STOX2: variants seen among roughly 807,000 people sequenced by gnomAD.
The protein encoded by STOX2 is storkhead box 2, also known as storkhead-box protein 2.
In STOX2, 28 loss-of-function variants were observed where a neutral mutation model predicts 60.9. The ratio of observed to expected loss-of-function variants is 0.46; its 90% CI spans 0.34 to 0.63. The LOEUF (loss-of-function observed/expected upper bound fraction) is 0.63, where lower values mean the gene tolerates loss of function less well. Ranked by LOEUF, STOX2 falls within the 30% of genes least tolerant of loss-of-function variation. STOX2 has a pLI of 0.01. For synonymous variants in STOX2, 472 were observed against 463.9 expected (o/e 1.02, Z -0.22); for missense variants, 1,024 against 1,187.7 (o/e 0.86, Z 2.03).
chr4:183,959,604 C>T (rs554904626), intron 1 of STOX2, among the ~76,000 whole-genome samples: 47 of 152,286 alleles, frequency 3.1e-4, no homozygotes, highest in Admixed American at 2.2e-3. Context: ...GATCTTCTCG[C>T]TGTGCTTTAT....
At chr4:183,841,028 C>T (rs562307435) in intron 1 of STOX2, among the ~76,000 whole-genome samples, 7 of 152,002 alleles carry the variant, frequency 4.6e-5, no homozygotes, top group Non-Finnish European at 7.4e-5. Flanking sequence ...CCACTACATC[C>T]GGCTAATTTT....
At chr4:183,893,571 G>A (rs539356294) in intron 1 of STOX2, among the ~76,000 whole-genome samples, 153 of 152,134 alleles carry the variant, frequency 1.0e-3, no homozygotes, top group Admixed American at 3.1e-3. Context: ...AGAGAAGAGC[G>A]GATGGAGATA....
At chr4:183,800,641 T>C (rs1252207427) in intron 1 of STOX2, among the ~76,000 whole-genome samples, 2 of 152,206 alleles carry the variant, frequency 1.3e-5, no homozygotes, top group African/African-American at 2.4e-5. Context: ...TGAACTTGAA[T>C]TAAGCTCATC....
intron 1 of STOX2, among the ~76,000 whole-genome samples, chr4:183,940,152 C>T (rs978881720): frequency 2.6e-5 from 4 of 152,208 alleles, no homozygotes; most frequent in East Asian, 3.9e-4. Flanking sequence ...ATTCACCTGC[C>T]TTGACCTCCC....
At chr4:183,959,942 A>G (rs143116806) in intron 1 of STOX2, among the ~76,000 whole-genome samples, 68 of 152,310 alleles carry the variant, frequency 4.5e-4, no homozygotes, top group Non-Finnish European at 8.5e-4. Flanking sequence ...CATTTTTAAA[A>G]GCTCCATTGG....
chr4:183,857,640 C>T (rs1029480513), intron 1 of STOX2, among the ~76,000 whole-genome samples: 6 of 152,300 alleles, frequency 3.9e-5, no homozygotes, highest in African/African-American at 1.4e-4. Flanking sequence ...CTCTGGGGTC[C>T]TTCCCACCTC....
intron 1 of STOX2, among the ~76,000 whole-genome samples, chr4:183,828,766 T>A (rs1327071678): frequency 6.6e-6 from 1 of 152,262 alleles, no homozygotes; most frequent in African/African-American, 2.4e-5. Flanking sequence ...TTGAAATTAT[T>A]CATCACTTTG....
chr4:183,798,083 C>A (rs1041177363), intron 1 of STOX2: 2 of 1,225,754 alleles, frequency 1.6e-6, no homozygotes, highest in Non-Finnish European at 1.0e-6. Flanking sequence ...GCGCCCGTCC[C>A]GTCCCTTCCC....
intron 1 of STOX2, among the ~76,000 whole-genome samples, chr4:183,843,252 T>A (rs574425287): frequency 6.6e-6 from 1 of 152,244 alleles, no homozygotes; most frequent in East Asian, 1.9e-4. Flanking sequence ...ATGACTCTTT[T>A]TGGGAGGAGG....
chr4:183,827,876 CAAA>C (rs59675177), intron 1 of STOX2, among the ~76,000 whole-genome samples: 4,778 of 99,220 alleles, frequency 0.048, 215 homozygotes, highest in African/African-American at 0.16. Context: ...AATCCTGCCT[CAAA>C]AAAAAAAAAA....
Position 184,023,258 on chromosome 4 carries a change from T to C in STOX2, c.*5974T>C, listed in dbSNP as rs187777109. 6.6e-6 allele frequency: 1 copy of C among 152,358 alleles called. No homozygotes were observed. The highest frequency in any genetic ancestry group is 1.9e-4 in the East Asian group (1 of 5,184). 9.4% of individuals were successfully genotyped at this position (152,358 alleles called of 1,614,324 possible). ...TTTCATATGAAATAATTACAGTTCA[T>C]GAAATGTCTTCCCTAATGTTACTGA... On this transcript the variant is annotated 3_prime_UTR_variant, in exon 4 of 4. Coordinates refer to ENST00000308497, the MANE Select transcript of STOX2 (RefSeq NM_020225.3).
chr4:183,998,895 C>G (rs1263061556), intron 1 of STOX2, among the ~76,000 whole-genome samples: 3 of 152,018 alleles, frequency 2.0e-5, no homozygotes, highest in African/African-American at 7.2e-5. Flanking sequence ...TGGCTCACAC[C>G]TGTAATTCCA....
intron 1 of STOX2, among the ~76,000 whole-genome samples, chr4:183,944,454 G>A (rs926236184): frequency 2.0e-5 from 3 of 152,208 alleles, no homozygotes; most frequent in Non-Finnish European, 4.4e-5. Flanking sequence ...GGTGGCTCAC[G>A]CCTGTAATCC....
chr4:183,895,091 C>T (rs147813094), intron 1 of STOX2, among the ~76,000 whole-genome samples: 86 of 152,216 alleles, frequency 5.6e-4, no homozygotes, highest in African/African-American at 1.7e-3. Context: ...AGAGTACAAT[C>T]GCGGACTAGG....
intron 1 of STOX2, among the ~76,000 whole-genome samples, chr4:183,816,523 G>A (rs1216590519): frequency 2.0e-5 from 3 of 152,018 alleles, no homozygotes; most frequent in African/African-American, 4.8e-5. Context: ...GGGGAAGGGT[G>A]GAAACACCAC....
intron 1 of STOX2, among the ~76,000 whole-genome samples, chr4:183,919,420 G>A (rs371762250): frequency 1.8e-4 from 28 of 152,244 alleles, no homozygotes; most frequent in African/African-American, 6.0e-4. Flanking sequence ...TTCCGCAGTC[G>A]TGGAGTCAGG....
At position 184,020,337 on chromosome 4, in the gene STOX2, T is replaced by G. The variant is rs1271883154; in HGVS notation, c.*3053T>G. The G allele has an allele frequency of 6.6e-6, 1 of 152,212 alleles. No homozygotes were observed. Among genetic ancestry groups the G allele is most frequent in the African/African-American group, 2.4e-5 (1 of 41,448 alleles). The allele number at this position is 152,212 out of a possible 1,614,324, so 9.4% of individuals were successfully genotyped here. ...AAAGCGCACTCGATTTTGTTAGGAA[T>G]GAACGGAAGTTTAAAAATTCTTGTG... is the stretch of plus-strand genomic sequence containing the variant. On this transcript the variant is annotated 3_prime_UTR_variant, in exon 4 of 4. Transcript: ENST00000308497.
rs1478121134 is a variant in STOX2, at chr4:183,856,453, C to A, written c.364+58398C>A. On this transcript the variant is annotated intron_variant, in intron 1 of 2. Coordinates refer to the STOX2 transcript ENST00000513034. This position sits in a 1 kb window ranked among gnomAD's most constrained non-coding sequence, Gnocchi z 4.0. ...GTGTGTGATTCAACTTACTTGCTAA[C>A]CTCGTATTTGACAGGTGAGGGTATT... Among the ~76,000 whole-genome samples the A allele has an allele frequency of 6.6e-6, 1 of 152,220 alleles. No homozygotes were observed. The highest frequency in any genetic ancestry group is 2.4e-5 in the African/African-American group (1 of 41,458).
At chr4:183,903,340 C>G (rs546113803), upstream of STOX2, among the ~76,000 whole-genome samples, 3 of 152,322 alleles carry the variant, frequency 2.0e-5, no homozygotes, top group East Asian at 3.9e-4. Context: ...TTTGCACAGA[C>G]TGTTCCCCCT....
Sources: gnomAD v4.1 joint callset for allele counts (sites outside exome capture counted in the v4.1 genomes callset) on GRCh38, gnomAD v4.1.1 for gene constraint, Gnocchi (gnomAD v3.1) non-coding constraint, MANE v1.5 for transcripts, NCBI Gene and HGNC (gene_info 2026-07-23, HGNC 2026-07-21) for gene names.